Variants in MCFD2 observed in about 807,000 individuals in gnomAD.
MCFD2 encodes the protein multiple coagulation factor deficiency 2, ER cargo receptor complex subunit, also known as multiple coagulation factor deficiency protein 2.
Under a neutral mutation model 12.8 loss-of-function variants are expected in MCFD2, and 11 were observed. The observed-to-expected ratio is 0.86, with a 90% confidence interval of 0.54 to 1.42. The LOEUF is 1.42. Ranked by LOEUF, MCFD2 falls within the 40% of genes most tolerant of loss-of-function variation. The pLI, the probability that MCFD2 is intolerant of heterozygous loss-of-function variation, is 0.00. For synonymous variants in MCFD2, 70 were observed against 68.1 expected, an observed-to-expected ratio of 1.03 and a Z score of -0.14; for missense variants, 191 against 178.6, an observed-to-expected ratio of 1.07 and a Z score of -0.40.
In MCFD2 at chr2:46,940,732, C is replaced by T. The variant is rs781730040; in HGVS notation, c.-8+840G>A. Among the ~76,000 whole-genome samples, 1 of 152,200 alleles carries T rather than the reference C, an allele frequency of 6.6e-6. No individual in the cohort carries two copies. Among genetic ancestry groups the T allele is most frequent in the Admixed American group, 6.5e-5 (1 of 15,286 alleles). ...CCCAGCAGAGGGGCGTCCAGAGAGTCGCGGGCCTGGGAACGGGCCTGGGTC... is the reference window on the plus strand; with the variant it reads ...CCCAGCAGAGGGGCGTCCAGAGAGTTGCGGGCCTGGGAACGGGCCTGGGTC... On this transcript the variant is annotated intron_variant, in intron 1 of 2. Coordinates refer to the MCFD2 transcript ENST00000409147. The surrounding 1 kb of genome is among the most constrained non-coding windows in gnomAD (Gnocchi z 4.7).
chr2:46,904,971 C>A lies in MCFD2; in HGVS notation c.*492G>T. 1 of 223,526 alleles carries A rather than the reference C, an allele frequency of 4.5e-6. No individual in the cohort carries two copies. The highest frequency in any genetic ancestry group is 9.0e-6 in the Non-Finnish European group (1 of 111,004). 13.8% of individuals were successfully genotyped at this position (223,526 alleles called of 1,614,324 possible). A position where few individuals can be genotyped will look rare whatever the true frequency, so the allele number is the denominator to read the frequency against. On this transcript the variant is annotated 3_prime_UTR_variant, in exon 4 of 4. Coordinates refer to ENST00000319466, the MANE Select transcript of MCFD2 (RefSeq NM_139279.6). The stretch of plus-strand genomic sequence containing the variant: ...GAGACCCAAGGGGAGGTAATTGAAT[C>A]ATGGGGGCCAGTCTTTCCCATGCTA...
At chr2:46,920,279 G>A (rs866317276), upstream of MCFD2, among the ~76,000 whole-genome samples, 3 of 151,994 alleles carry the variant, frequency 2.0e-5, no homozygotes, top group South Asian at 6.2e-4. Context: ...TCATGTTGTT[G>A]TTGTTTGGAG....
chr2:46,903,524 C>G lies in MCFD2; in HGVS notation c.*1939G>C, dbSNP rs942379009. On this transcript the variant is annotated 3_prime_UTR_variant, in exon 4 of 4. Coordinates refer to ENST00000319466, the MANE Select transcript of MCFD2 (RefSeq NM_139279.6). ...ACAGACTTGTTGAATGGCTTTGCCCCAAATGCTGATAGCAATATGGACAAC... is the reference window on the plus strand; with the variant it reads ...ACAGACTTGTTGAATGGCTTTGCCCGAAATGCTGATAGCAATATGGACAAC... 22 of 152,390 alleles carry G rather than the reference C, an allele frequency of 1.4e-4. No homozygotes were observed. Among genetic ancestry groups the G allele is most frequent in the African/African-American group, 5.3e-4 (22 of 41,564 alleles). The allele number at this position is 152,390 out of a possible 1,614,324, so 9.4% of individuals were successfully genotyped here.
At chr2:46,911,379 C>T (rs571243530) in intron 1 of MCFD2, among the ~76,000 whole-genome samples, 151 of 151,390 alleles carry the variant, frequency 1.0e-3, no homozygotes, top group Non-Finnish European at 1.6e-3. Context: ...CCACCCGCCT[C>T]GGCCTCCCAA....
rs1668299310 is a variant in MCFD2 at position 46,907,633 on chromosome 2, G to C, written c.309+177C>G. On this transcript the variant is annotated intron_variant, in intron 3 of 3. Coordinates refer to ENST00000319466, the MANE Select transcript of MCFD2 (RefSeq NM_139279.6). This position sits in a 1 kb window ranked among gnomAD's most constrained non-coding sequence, Gnocchi z 4.1. ...GGCTGGTCTTGAACTCCTGGCTCAA[G>C]TGATCCTTCCACTTTGGCCTCCCAA... The C allele has an allele frequency of 5.8e-6, 4 of 683,826 alleles. No homozygotes were observed. The highest frequency in any genetic ancestry group is 1.0e-5 in the Non-Finnish European group (4 of 385,208). 42.4% of individuals were successfully genotyped at this position (683,826 alleles called of 1,614,324 possible).
At chr2:46,921,806 C>T (rs1335613935) in intron 1 of MCFD2, among the ~76,000 whole-genome samples, 1 of 152,126 alleles carries the variant, frequency 6.6e-6, no homozygotes, top group Non-Finnish European at 1.5e-5. Flanking sequence ...ACCTAGATCC[C>T]TTACATGCGC....
At chr2:46,924,310 C>T (rs1669275866) in intron 1 of MCFD2, among the ~76,000 whole-genome samples, 1 of 151,694 alleles carries the variant, frequency 6.6e-6, no homozygotes, top group African/African-American at 2.4e-5. Context: ...GGTATCAGCT[C>T]ATCAACATTC....
chr2:46,909,299 C>G, intron 1 of MCFD2, 122 bp from the exon 2 acceptor site: 1 of 1,168,586 alleles, frequency 8.6e-7, no homozygotes, highest in Non-Finnish European at 1.2e-6. Context: ...GAGAGCTTGT[C>G]AAACACGGCC....
chr2:46,909,510 G>A (rs114664625), intron 1 of MCFD2, among the ~76,000 whole-genome samples: 1 of 152,328 alleles, frequency 6.6e-6, no homozygotes, highest in Non-Finnish European at 1.5e-5. Context: ...AAGAGCACCA[G>A]GAAAGGCAGC....
chr2:46,932,900 C>CAAAAAAA, intron 1 of MCFD2, among the ~76,000 whole-genome samples: 1 of 69,420 alleles, frequency 1.4e-5, no homozygotes, highest in African/African-American at 5.2e-5. Context: ...GACTCCATCT[C>CAAAAAAA]AAAAAAAAAA....
chr2:46,940,495 A>C lies in MCFD2; in HGVS notation c.-8+1077T>G, dbSNP rs977754218. 5.9e-5 allele frequency among the ~76,000 whole-genome samples: 9 copies of C among 152,276 alleles called. No individual in the cohort carries two copies. Among genetic ancestry groups the C allele is most frequent in the African/African-American group, 1.9e-4 (8 of 41,572 alleles). Reference sequence around the variant, plus strand: ...AGTCCTGTGAACTTCTGGGCACCCCACAGCCCTGGGCTAAACCCTGCTAAG... The same window carrying C: ...AGTCCTGTGAACTTCTGGGCACCCCCCAGCCCTGGGCTAAACCCTGCTAAG... On this transcript the variant is annotated intron_variant, in intron 1 of 2. Coordinates refer to the MCFD2 transcript ENST00000409147. The surrounding 1 kb of genome is among the most constrained non-coding windows in gnomAD (Gnocchi z 4.7).
chr2:46,937,451 A>G lies in MCFD2; in HGVS notation c.-8+4121T>C, dbSNP rs559773940. 6.6e-5 allele frequency among the ~76,000 whole-genome samples: 10 copies of G among 152,330 alleles called. No homozygotes were observed. Among genetic ancestry groups the G allele is most frequent in the African/African-American group, 2.4e-4 (10 of 41,570 alleles). On this transcript the variant is annotated intron_variant, in intron 1 of 2. Coordinates refer to the MCFD2 transcript ENST00000409147. This position sits in a 1 kb window ranked among gnomAD's most constrained non-coding sequence, Gnocchi z 4.0. ...ATTTTTAGCTGAAAGCCATTGTAAA[A>G]GACTCTTCAAGGCCTAAATGGGACT...
At position 46,929,342 on chromosome 2, in the gene MCFD2, C is replaced by G. The variant is rs996844398; in HGVS notation, c.-8+12230G>C. 3.9e-5 allele frequency among the ~76,000 whole-genome samples: 6 copies of G among 151,990 alleles called. No homozygotes were observed. In the East Asian group the frequency reaches 1.2e-3, roughly 29 times the overall value. ...TCTATAGGAAAAATTTAAAAACTACCTGGCTGTGGTGGTACACACCTGTAG... is the reference window on the plus strand; with the variant it reads ...TCTATAGGAAAAATTTAAAAACTACGTGGCTGTGGTGGTACACACCTGTAG... On this transcript the variant is annotated intron_variant, in intron 1 of 2. Transcript: ENST00000409147.
Position 46,905,554 on chromosome 2 carries a change from A to G in MCFD2, c.350T>C (p.Leu117Pro). The change falls in exon 4 of 4, where the codon CTG (leucine) becomes CCG (proline). Residue 117 changes from leucine to proline, a missense_variant. Leu to Pro is a moderately conservative substitution (Grantham distance 98). Transcript: ENST00000319466. ...CAAAACACCATCTATTATGTTAATC[A>G]GTTCATCTTCACTCATTAGTGGTGC... ...EQAPLMSEDE[L>P]INIIDGVLRD... The G allele has an allele frequency of 6.2e-7, 1 of 1,613,542 alleles. No homozygotes were observed. Among genetic ancestry groups the G allele is most frequent in the South Asian group, 1.1e-5 (1 of 91,056 alleles).
rs941070225 is a variant in MCFD2, at chr2:46,941,686, C to T, written c.-122G>A. 1 of 1,551,180 alleles carries T rather than the reference C, an allele frequency of 6.4e-7. No individual in the cohort carries two copies. The highest frequency in any genetic ancestry group is 2.4e-5 in the East Asian group (1 of 41,106). On this transcript the variant is annotated 5_prime_UTR_variant, in exon 1 of 3. Coordinates refer to the MCFD2 transcript ENST00000409147. This position sits in a 1 kb window ranked among gnomAD's most constrained non-coding sequence, Gnocchi z 4.2. ...CATGCCCGGCGGCGGAGGTAACAGG[C>T]GAGGCAGCCCGAGCGCAGCGTTCAC... is the stretch of plus-strand genomic sequence containing the variant.
chr2:46,936,040 A>G (rs1669960297), intron 1 of MCFD2, among the ~76,000 whole-genome samples: 1 of 152,178 alleles, frequency 6.6e-6, no homozygotes, highest in Admixed American at 6.5e-5. Flanking sequence ...GCAGTGAGCT[A>G]TGATTGCACC....
At chr2:46,926,325 G>A (rs1558476272) in intron 1 of MCFD2, among the ~76,000 whole-genome samples, 1 of 152,110 alleles carries the variant, frequency 6.6e-6, no homozygotes, top group South Asian at 2.1e-4. Flanking sequence ...AGTGGAGATC[G>A]GAGTAAGTGA....
At chr2:46,929,145 T>G (rs115878426) in intron 1 of MCFD2, among the ~76,000 whole-genome samples, 2 of 151,608 alleles carry the variant, frequency 1.3e-5, no homozygotes, top group Non-Finnish European at 1.5e-5. Context: ...CCTGGGGCAA[T>G]AGAGTGGGAC....
At position 46,941,502 on chromosome 2, in the gene MCFD2, ACTT is replaced by A; in HGVS notation, c.-8+67_-8+69del. The A allele has an allele frequency of 6.5e-7, 1 of 1,540,758 alleles. No individual in the cohort carries two copies. The highest frequency in any genetic ancestry group is 1.2e-5 in the South Asian group (1 of 82,932). On this transcript the variant is annotated intron_variant, in intron 1 of 2. Transcript: ENST00000409147. The surrounding 1 kb of genome is among the most constrained non-coding windows in gnomAD (Gnocchi z 4.2). ...GGACGCCGCCCCCGGCCGGGTCTCC[ACTT>A]CTTGGCCGCACCTTCCATGACAGCG...
Sources: gnomAD v4.1 joint callset for allele counts (sites outside exome capture counted in the v4.1 genomes callset) on GRCh38, gnomAD v4.1.1 for gene constraint, Gnocchi (gnomAD v3.1) non-coding constraint, MANE v1.5 for transcripts, NCBI Gene and HGNC (gene_info 2026-07-23, HGNC 2026-07-21) for gene names.